Variants in POGZ observed in about 807,000 individuals in gnomAD.
POGZ encodes the protein pogo transposable element derived with ZNF domain, also known as pogo transposable element with ZNF domain.
In POGZ, 17 loss-of-function variants were observed where a neutral mutation model predicts 134.6. The observed-to-expected ratio is 0.13, with a 90% CI of 0.09 to 0.19. POGZ has a LOEUF of 0.19. Ranked by LOEUF, POGZ falls within the 10% of genes least tolerant of loss-of-function variation. The pLI is 1.00. For synonymous variants in POGZ, 693 were observed against 657.1 expected, an observed-to-expected ratio of 1.05 and a Z score of -0.84; for missense variants, 1,306 against 1,769.7, an observed-to-expected ratio of 0.74 and a Z score of 4.70.
intron 1 of POGZ, among the ~76,000 whole-genome samples, chr1:151,456,312 G>A (rs930786112): frequency 2.0e-5 from 3 of 152,138 alleles, no homozygotes; most frequent in African/African-American, 4.8e-5. Context: ...TTAAGTACTA[G>A]GAAGCTGTCA....
chr1:151,456,416 G>A (rs1308203575), intron 1 of POGZ, among the ~76,000 whole-genome samples: 2 of 152,128 alleles, frequency 1.3e-5, no homozygotes, highest in East Asian at 3.8e-4. Flanking sequence ...AAAGTGACAA[G>A]CTCACTTCAT....
At chr1:151,453,081 C>T (rs926988686) in intron 1 of POGZ, among the ~76,000 whole-genome samples, 1 of 151,796 alleles carries the variant, frequency 6.6e-6, no homozygotes, top group African/African-American at 2.4e-5. Context: ...CGCCACAACG[C>T]CCAGCTAATT....
intron 10 of POGZ, among the ~76,000 whole-genome samples, chr1:151,422,802 G>A (rs896211857): frequency 3.3e-5 from 5 of 152,118 alleles, no homozygotes; most frequent in African/African-American, 1.2e-4. Flanking sequence ...ATGTTGGCCG[G>A]GCTGGTCTCG....
At position 151,423,452 on chromosome 1, in the gene POGZ, A is replaced by T. The variant is rs770222629; in HGVS notation, c.1623T>A (p.Thr541=). 1 of 1,614,062 alleles carries T rather than the reference A, an allele frequency of 6.2e-7. No individual in the cohort carries two copies. Among genetic ancestry groups the T allele is most frequent in the East Asian group, 2.2e-5 (1 of 44,882 alleles). ...ICQHCYRQFS[T]PFQLQCHLEN... is the part of the protein sequence containing the mutation. Reference sequence around the variant, plus strand: ...CCAAGTGGCACTGAAGCTGGAAGGGAGTGGAAAACTGGCGGTAACAGTGCT... The same window carrying T: ...CCAAGTGGCACTGAAGCTGGAAGGGTGTGGAAAACTGGCGGTAACAGTGCT... Residue 541 remains threonine, a synonymous_variant, in exon 10 of 19, where the codon ACT becomes ACA. Coordinates refer to ENST00000271715, the MANE Select transcript of POGZ (RefSeq NM_015100.4).
chr1:151,431,238 T>C (rs779088257), intron 3 of POGZ, among the ~76,000 whole-genome samples: 9 of 149,960 alleles, frequency 6.0e-5, no homozygotes, highest in Non-Finnish European at 1.3e-4. Context: ...ACTTCACCCA[T>C]ATGTCTTCAC....
rs1332099372 is a variant in POGZ at position 151,411,917 on chromosome 1, T to C, written c.1780-146A>G. 5 of 636,606 alleles carry C rather than the reference T, an allele frequency of 7.9e-6. 1 individual carries two copies. In the Middle Eastern group the frequency reaches 1.4e-3, roughly 172 times the overall value. 39.4% of individuals were successfully genotyped at this position (636,606 alleles called of 1,614,324 possible). A position where few individuals can be genotyped will look rare whatever the true frequency, so the allele number is the denominator to read the frequency against. ...AAATCAAATTATTTTCCTGACTTTG[T>C]AATGCTGGGCTATGTTTGTGATAGG... is the stretch of plus-strand genomic sequence containing the variant. On this transcript the variant is annotated intron_variant, in intron 11 of 18. Transcript: ENST00000271715.
chr1:151,405,050 G>A lies in POGZ; in HGVS notation c.3985C>T (p.Leu1329=). 1 of 1,614,170 alleles carries A rather than the reference G, an allele frequency of 6.2e-7. No individual in the cohort carries two copies. The highest frequency in any genetic ancestry group is 1.1e-5 in the South Asian group (1 of 91,086). Residue 1329 remains leucine, a synonymous_variant, in exon 19 of 19, where the codon CTG becomes TTG. Transcript: ENST00000271715. The surrounding 1 kb of genome is among the most constrained non-coding windows in gnomAD (Gnocchi z 4.9). ...TTAATGTTGCCATCGGGGCCAGGCA[G>A]AACACTAGCCACCAGGAAGGAGCGC... is the stretch of plus-strand genomic sequence containing the variant. ...VQRSFLVASV[L]PGPDGNINSP... is the part of the protein sequence containing the mutation.
chr1:151,429,369 C>T (rs950857314), intron 5 of POGZ: 4 of 282,066 alleles, frequency 1.4e-5, no homozygotes, highest in Non-Finnish European at 2.0e-5. Flanking sequence ...TGACTGTAAA[C>T]TCTGTTTTAC....
rs916205347 is a variant in POGZ at position 151,424,960 on chromosome 1, T to C, written c.1180A>G (p.Met394Val). The C allele has an allele frequency of 1.3e-6, 2 of 1,548,794 alleles. No homozygotes were observed. The highest frequency in any genetic ancestry group is 1.1e-5 in the South Asian group (1 of 87,374). The change falls in exon 8 of 19, where the codon ATG (methionine) becomes GTG (valine). Residue 394 changes from methionine (M) to valine (V), a missense_variant. This residue lies in a region of POGZ where 541 missense variants were observed against 680.5 expected (regional missense o/e 0.80). Transcript: ENST00000271715. ...TCACAGGTGATATCACTTACACACA[T>C]GTGACCTCTCAAAGCTTCAGTAACA... Reference protein sequence around the residue: ...FRVTEALRGHMCYCCPEMVEY... With the variant: ...FRVTEALRGHVCYCCPEMVEY...
chr1:151,406,550 T>TAAC (rs979458374), intron 18 of POGZ, 57 bp downstream of exon 18: 102 of 1,548,736 alleles, frequency 6.6e-5, no homozygotes, highest in Middle Eastern at 2.3e-4. Flanking sequence ...ATAATAATAA[T>TAAC]AACAGAGTAA....
rs376627932 is a variant in POGZ at position 151,406,010 on chromosome 1, G to A, written c.3025C>T (p.Arg1009Cys). 9.9e-6 allele frequency: 16 copies of A among 1,614,112 alleles called. No homozygotes were observed. Among genetic ancestry groups the A allele is most frequent in the African/African-American group, 1.3e-5 (1 of 74,936 alleles). The change falls in exon 19 of 19, where the codon CGT becomes TGT. Residue 1009 changes from arginine (R) to cysteine (C), a missense_variant. By Grantham distance (180) the Arg-to-Cys change is radical (BLOSUM62 -3). Transcript: ENST00000271715. ...TTCTCCCCCTGGGAGGCCTGGAAAC[G>A]TCGAAGCCAACGGCGAATACGTCGC... ...PQRRIRRWLR[R>C]FQASQGENLE...
intron 8 of POGZ, 53 bp downstream of exon 8, chr1:151,424,902 T>A (rs1335494280): frequency 1.1e-6 from 1 of 876,744 alleles, no homozygotes; most frequent in Non-Finnish European, 1.9e-6. Context: ...CCAATATTAA[T>A]GAAGGTAAAT....
chr1:151,420,485 G>A (rs778921960), intron 10 of POGZ, among the ~76,000 whole-genome samples: 1 of 152,002 alleles, frequency 6.6e-6, no homozygotes, highest in Non-Finnish European at 1.5e-5. Context: ...CCCAATTTTT[G>A]TATTTTTTTT....
intron 1 of POGZ, among the ~76,000 whole-genome samples, chr1:151,446,529 G>A (rs1307556787): frequency 1.3e-5 from 2 of 152,038 alleles, no homozygotes; most frequent in Non-Finnish European, 2.9e-5. Flanking sequence ...GCCGAGGCGG[G>A]GGGATCACCT....
intron 10 of POGZ, among the ~76,000 whole-genome samples, chr1:151,417,714 A>G (rs968992131): frequency 4.0e-5 from 6 of 151,044 alleles, no homozygotes; most frequent in Non-Finnish European, 4.4e-5. Flanking sequence ...ACACACACAC[A>G]CACACACACA....
chr1:151,454,381 T>C (rs1224636053), intron 1 of POGZ, among the ~76,000 whole-genome samples: 2 of 152,306 alleles, frequency 1.3e-5, no homozygotes, highest in East Asian at 1.9e-4. Context: ...TATAAAACTA[T>C]AGTTAAACAT....
Position 151,439,914 on chromosome 1 carries a change from T to C in POGZ, c.283+1014A>G, listed in dbSNP as rs2102358519. 1.3e-5 allele frequency among the ~76,000 whole-genome samples: 2 copies of C among 152,296 alleles called. 1 individual carries two copies. The highest frequency in any genetic ancestry group is 4.1e-4 in the South Asian group (2 of 4,828). ...TCTTAAAAATAGCAATATACCCTCT[T>C]ACAACCCATTGTTAATAAGTTAATC... On this transcript the variant is annotated intron_variant, in intron 3 of 18. Transcript: ENST00000271715.
intron 1 of POGZ, chr1:151,450,767 G>C (rs1399503196): frequency 1.3e-5 from 2 of 151,968 alleles, no homozygotes; most frequent in Non-Finnish European, 1.5e-5. Context: ...TTTTGCAGAG[G>C]GCAATGCCTC....
chr1:151,418,817 A>C (rs996960685), intron 10 of POGZ, among the ~76,000 whole-genome samples: 4 of 151,468 alleles, frequency 2.6e-5, no homozygotes, highest in Admixed American at 1.3e-4. Context: ...CGAGGTCAGG[A>C]GTTTGAGACC....
Sources: gnomAD v4.1 joint callset for allele counts (sites outside exome capture counted in the v4.1 genomes callset) on GRCh38, gnomAD v4.1.1 for gene constraint, gnomAD v4.1.1 regional missense constraint, Gnocchi (gnomAD v3.1) non-coding constraint, MANE v1.5 for transcripts, NCBI Gene and HGNC (gene_info 2026-07-23, HGNC 2026-07-21) for gene names.